The following RNF111 variants were observed in gnomAD, a reference collection of about 807,000 sequenced individuals.
RNF111 encodes E3 ubiquitin-protein ligase Arkadia.
A neutral mutation model predicts 95.1 loss-of-function variants in RNF111; 17 were observed. The observed-to-expected ratio is 0.18, with a 90% confidence interval of 0.12 to 0.27. The LOEUF is 0.27. RNF111 is among the 10% of genes least tolerant of loss of function. The pLI is 1.00. For missense variants in RNF111, 1,189 were observed against 1,210.4 expected (o/e 0.98, Z 0.26); for synonymous variants, 440 against 414.8 (o/e 1.06, Z -0.74).
chr15:59,001,743 A>G (rs143244168), intron 1 of RNF111, among the ~76,000 whole-genome samples: 4 of 152,344 alleles, frequency 2.6e-5, no homozygotes, highest in African/African-American at 9.6e-5. Context: ...AACATACATT[A>G]TCATGGGATT....
intron 5 of RNF111, among the ~76,000 whole-genome samples, chr15:59,059,977 T>C (rs1333510657): frequency 2.0e-5 from 3 of 152,216 alleles, no homozygotes; most frequent in Admixed American, 1.3e-4. Context: ...GAAAACTACA[T>C]GTGGCTGGAT....
intron 1 of RNF111, among the ~76,000 whole-genome samples, chr15:59,018,005 T>G (rs1187797208): frequency 1.3e-5 from 2 of 152,076 alleles, no homozygotes; most frequent in Non-Finnish European, 2.9e-5. Context: ...GTGACCCACC[T>G]GCCTCAGCCT....
intron 7 of RNF111, among the ~76,000 whole-genome samples, chr15:59,078,360 T>C (rs2078628312): frequency 1.3e-5 from 2 of 152,118 alleles, no homozygotes; most frequent in Non-Finnish European, 2.9e-5. Flanking sequence ...AGTTTTACTA[T>C]CTTATTAATA....
chr15:59,026,510 C>T (rs1488661230), intron 1 of RNF111, among the ~76,000 whole-genome samples: 6 of 152,090 alleles, frequency 3.9e-5, no homozygotes, highest in African/African-American at 9.7e-5. Flanking sequence ...ATATCTTGTA[C>T]GCATTTGCCT....
At chr15:59,077,823 G>A (rs1566936961) in intron 7 of RNF111, among the ~76,000 whole-genome samples, 1 of 152,210 alleles carries the variant, frequency 6.6e-6, no homozygotes, top group East Asian at 1.9e-4. Context: ...GTGTTAATGA[G>A]AATGAAGGTA....
chr15:59,044,895 A>C (rs776657425), intron 2 of RNF111, among the ~76,000 whole-genome samples: 1 of 152,202 alleles, frequency 6.6e-6, no homozygotes, highest in Non-Finnish European at 1.5e-5. Context: ...GCCTGTTGTG[A>C]ATATGCTTTA....
rs1350822294 is a variant in RNF111, at chr15:59,052,514, T to G, written c.1007+83T>G. The G allele has an allele frequency of 4.7e-6, 5 of 1,065,766 alleles. No individual in the cohort carries two copies. The African/African-American group carries it at 6.6e-5, about 14-fold the overall frequency. 66.0% of individuals were successfully genotyped at this position (1,065,766 alleles called of 1,614,324 possible). A position where few individuals can be genotyped will look rare whatever the true frequency, so the allele number is the denominator to read the frequency against. On this transcript the variant is annotated intron_variant, in intron 3 of 13. Coordinates refer to ENST00000348370, the MANE Select transcript of RNF111 (RefSeq NM_017610.8). ...TTTGTGCTGCAGATATTTGCATTCT[T>G]TTTATTTATTTATTTTTGAGACCCA...
chr15:58,996,649 C>CTTTTTTTTTTTTTTTTTT (rs60350601), intron 1 of RNF111, among the ~76,000 whole-genome samples: 3 of 100,810 alleles, frequency 3.0e-5, no homozygotes, highest in Admixed American at 1.0e-4. Flanking sequence ...TCAGTACTTT[C>CTTTTTTTTTTTTTTTTTT]TTTTTTTTTT....
chr15:59,084,491 T>C (rs898405801), intron 9 of RNF111: 5 of 339,360 alleles, frequency 1.5e-5, no homozygotes, highest in Non-Finnish European at 2.6e-5. Flanking sequence ...TTATGTTTAA[T>C]TGAAAAATAA....
chr15:59,062,119 C>T (rs997810292), intron 5 of RNF111, among the ~76,000 whole-genome samples: 9 of 150,126 alleles, frequency 6.0e-5, no homozygotes, highest in Admixed American at 2.0e-4. Context: ...TGCAGGCTCA[C>T]TGCAGCCTCC....
chr15:59,080,829 A>C (rs2078719345), intron 7 of RNF111, 107 bp from the exon 8 acceptor site: 1 of 894,800 alleles, frequency 1.1e-6, no homozygotes, highest in Non-Finnish European at 1.7e-6. Flanking sequence ...AAGTATTCAT[A>C]AAAATAAAAT....
rs544796353 is a variant in RNF111, at chr15:59,095,980, T to C, written c.*1080T>C. 55 of 398,578 alleles carry C rather than the reference T, an allele frequency of 1.4e-4. No individual in the cohort carries two copies. The highest frequency in any genetic ancestry group is 1.1e-3 in the African/African-American group (54 of 48,734). 24.7% of individuals were successfully genotyped at this position (398,578 alleles called of 1,614,324 possible). On this transcript the variant is annotated 3_prime_UTR_variant, in exon 14 of 14. Coordinates refer to ENST00000348370, the MANE Select transcript of RNF111 (RefSeq NM_017610.8). Reference sequence around the variant, plus strand: ...ATCTACATGTCTCTTGTTTTATTTCTCTCTAAACTTGAAAACAGTAAATCT... The same window carrying C: ...ATCTACATGTCTCTTGTTTTATTTCCCTCTAAACTTGAAAACAGTAAATCT...
At chr15:59,092,386 T>A in intron 12 of RNF111, 151 bp from the exon 13 acceptor site, 1 of 625,576 alleles carries the variant, frequency 1.6e-6, no homozygotes, top group African/African-American at 1.9e-5. Flanking sequence ...ACTTAATTCA[T>A]CCATTTATTT....
intron 5 of RNF111, among the ~76,000 whole-genome samples, chr15:59,061,096 C>T (rs2042416828): frequency 6.6e-6 from 1 of 152,140 alleles, no homozygotes; most frequent in Non-Finnish European, 1.5e-5. Context: ...CACCCTCGGC[C>T]TATGTGTAGC....
intron 13 of RNF111, chr15:59,093,369 T>TTG: frequency 7.1e-6 from 3 of 422,564 alleles, no homozygotes; most frequent in African/African-American, 4.4e-5. Flanking sequence ...TTTCCTTTTC[T>TTG]GGGAGATGGT....
intron 7 of RNF111, among the ~76,000 whole-genome samples, chr15:59,076,849 G>C (rs970783014): frequency 6.6e-6 from 1 of 152,194 alleles, no homozygotes; most frequent in Non-Finnish European, 1.5e-5. Flanking sequence ...TAAACACTTG[G>C]CTGATAAACA....
At position 59,046,524 on chromosome 15, in the gene RNF111, A is replaced by G. The variant is rs916492338; in HGVS notation, c.881-5781A>G. ...GTTCTTTGGAGTATTGTATATTCATATGCAGAAAAGATAAATTTAGACCTT... is the reference window on the plus strand; with the variant it reads ...GTTCTTTGGAGTATTGTATATTCATGTGCAGAAAAGATAAATTTAGACCTT... On this transcript the variant is annotated intron_variant, in intron 2 of 13. Coordinates refer to ENST00000348370, the MANE Select transcript of RNF111 (RefSeq NM_017610.8). Among the ~76,000 whole-genome samples the G allele has an allele frequency of 3.9e-5, 6 of 152,322 alleles. 1 individual carries two copies. The South Asian group carries it at 1.2e-3, about 32-fold the overall frequency.
chr15:59,026,992 A>T (rs12907548), intron 1 of RNF111, among the ~76,000 whole-genome samples: 38,062 of 152,040 alleles, frequency 0.25, 4,737 homozygotes, highest in Middle Eastern at 0.34. Flanking sequence ...AACCATAAAG[A>T]GTTGATTGCA....
Position 59,031,292 on chromosome 15 carries a change from A to C in RNF111, c.470A>C (p.Glu157Ala). Residue 157 changes from glutamate to alanine, a missense_variant, in exon 2 of 14, where the codon GAG becomes GCG. Transcript: ENST00000348370. Reference sequence around the variant, plus strand: ...GATTCTGATACTGTGACTTCAGATGAGGATAAAGAAGTCTCTGTAAGACAT... The same window carrying C: ...GATTCTGATACTGTGACTTCAGATGCGGATAAAGAAGTCTCTGTAAGACAT... ...FGDSDTVTSD[E>A]DKEVSVRHSQ... The C allele has an allele frequency of 6.2e-7, 1 of 1,614,088 alleles. No homozygotes were observed. Among genetic ancestry groups the C allele is most frequent in the Non-Finnish European group, 8.5e-7 (1 of 1,179,980 alleles).
Sources: allele counts gnomAD v4.1 joint callset (sites outside exome capture counted in the v4.1 genomes callset), GRCh38; gene constraint gnomAD v4.1.1; transcripts MANE v1.5; gene names NCBI Gene and HGNC (gene_info 2026-07-23, HGNC 2026-07-21).